COL9A1: variants seen among roughly 807,000 people sequenced by gnomAD.
COL9A1 encodes collagen type IX alpha 1 chain, also known as collagen alpha-1(IX) chain.
A neutral mutation model predicts 142.6 loss-of-function variants in COL9A1; 104 were observed. The observed-to-expected ratio is 0.73, with a 90% CI of 0.62 to 0.86. The LOEUF (loss-of-function observed/expected upper bound fraction) is 0.86, where lower values mean the gene tolerates loss of function less well. COL9A1 is among the 40% of genes least tolerant of loss of function. The probability of loss-of-function intolerance (pLI) is 0.00; values close to 1 mark genes in which losing one functional copy is unlikely to be tolerated. For synonymous variants in COL9A1, 466 were observed against 396.0 expected (o/e 1.18, Z -2.10); for missense variants, 1,210 against 1,176.6 (o/e 1.03, Z -0.42).
intron 14 of COL9A1, among the ~76,000 whole-genome samples, chr6:70,271,153 A>C (rs638167): frequency 6.6e-6 from 1 of 152,188 alleles, no homozygotes; most frequent in South Asian, 2.1e-4. Flanking sequence ...GCGCCTTCAC[A>C]TAACATCACT....
chr6:70,238,596 T>C (rs995780559), intron 33 of COL9A1, among the ~76,000 whole-genome samples: 3 of 152,348 alleles, frequency 2.0e-5, no homozygotes, highest in African/African-American at 4.8e-5. Context: ...TGAAATTTAG[T>C]TATACTGTTG....
intron 18 of COL9A1, among the ~76,000 whole-genome samples, chr6:70,264,639 A>G (rs1771900397): frequency 1.3e-5 from 2 of 152,058 alleles, no homozygotes; most frequent in Non-Finnish European, 2.9e-5. Flanking sequence ...GGTATTTTCC[A>G]TAGATTCTCC....
In COL9A1 at chr6:70,235,039, C is replaced by T. The variant is rs1358106151; in HGVS notation, c.2113-99G>A. 1.5e-5 allele frequency: 21 copies of T among 1,429,704 alleles called. No individual in the cohort carries two copies. The Admixed American group carries it at 1.9e-4, about 13-fold the overall frequency. 88.6% of individuals were successfully genotyped at this position (1,429,704 alleles called of 1,614,324 possible). On this transcript the variant is annotated intron_variant, in intron 33 of 37. Coordinates refer to ENST00000357250, the MANE Select transcript of COL9A1 (RefSeq NM_001851.6). The stretch of plus-strand genomic sequence containing the variant: ...CTTATATGAAATTTGCGGTTTCCTG[C>T]ACTCTGCATCCTAACAGGTGTTCTT...
At chr6:70,281,074 T>C (rs760858839) in intron 8 of COL9A1, 35 bp from the exon 9 acceptor site, 7 of 1,585,474 alleles carry the variant, frequency 4.4e-6, no homozygotes, top group Admixed American at 3.5e-5. Context: ...GAGCAGTCTA[T>C]GAGCGGGATA....
At chr6:70,263,336 T>C (rs1216895960) in intron 18 of COL9A1, 39 bp from the exon 19 acceptor site, 1 of 1,568,464 alleles carries the variant, frequency 6.4e-7, no homozygotes, top group South Asian at 1.2e-5. Flanking sequence ...ACACCAAATG[T>C]TATTCTAGCA....
intron 21 of COL9A1, among the ~76,000 whole-genome samples, chr6:70,255,921 A>C (rs1023589976): frequency 6.6e-6 from 1 of 152,220 alleles, no homozygotes; most frequent in African/African-American, 2.4e-5. Context: ...TAAAACCTCA[A>C]ATGGCTCCCT....
At position 70,263,255 on chromosome 6, in the gene COL9A1, G is replaced by C. The variant is rs201364357; in HGVS notation, c.1384C>G (p.Gln462Glu). Residue 462 changes from glutamine to glutamate, a missense_variant, in exon 19 of 38, where the codon CAA (glutamine) becomes GAA (glutamate). By Grantham distance (29) the Gln-to-Glu change is conservative (BLOSUM62 2). Transcript: ENST00000357250. ...AAAAAATACTTTACTGGAGGTCCTT[G>C]AGCTCCAACTTCTCCGAGTTCTCCC... ...DQGELGEVGA[Q>E]GPPGAQGLRG... 8.3e-5 allele frequency: 134 copies of C among 1,607,334 alleles called. No individual in the cohort carries two copies. Among genetic ancestry groups the C allele is most frequent in the Non-Finnish European group, 1.1e-4 (124 of 1,176,500 alleles).
chr6:70,278,756 A>G (rs887948153), intron 10 of COL9A1, among the ~76,000 whole-genome samples: 10 of 152,348 alleles, frequency 6.6e-5, no homozygotes, highest in Non-Finnish European at 8.8e-5. Context: ...AGACAAAGAA[A>G]AATTTACTTG....
At chr6:70,258,920 A>G (rs941969982) in intron 20 of COL9A1, among the ~76,000 whole-genome samples, 1 of 152,210 alleles carries the variant, frequency 6.6e-6, no homozygotes, top group African/African-American at 2.4e-5. Context: ...CCAGAAAAAA[A>G]TGAAGGTATC....
rs1278249752 is a variant in COL9A1 at position 70,216,146 on chromosome 6, C to A, written c.*751G>T. On this transcript the variant is annotated 3_prime_UTR_variant, in exon 38 of 38. Transcript: ENST00000357250. ...AGAGATTAAGAAACCATATTTATTTCTTCTTTGGTACAACCAGAGATGTTA... is the reference window on the plus strand; with the variant it reads ...AGAGATTAAGAAACCATATTTATTTATTCTTTGGTACAACCAGAGATGTTA... 1.3e-5 allele frequency: 2 copies of A among 152,670 alleles called. No homozygotes were observed. Among genetic ancestry groups the A allele is most frequent in the East Asian group, 3.9e-4 (2 of 5,178 alleles). The allele number at this position is 152,670 out of a possible 1,614,324, so 9.5% of individuals were successfully genotyped here. A position where few individuals can be genotyped will look rare whatever the true frequency, so the allele number is the denominator to read the frequency against.
intron 4 of COL9A1, among the ~76,000 whole-genome samples, chr6:70,295,492 C>G (rs561089317): frequency 1.3e-4 from 20 of 151,586 alleles, no homozygotes; most frequent in Admixed American, 7.2e-4. Context: ...TTCGCCATGT[C>G]AGTCAGGCTG....
intron 5 of COL9A1, among the ~76,000 whole-genome samples, chr6:70,292,990 G>A (rs1365082541): frequency 6.6e-6 from 1 of 152,176 alleles, no homozygotes; most frequent in Non-Finnish European, 1.5e-5. Context: ...ACAGAATATA[G>A]AAATTTCACA....
intron 7 of COL9A1, 118 bp downstream of exon 7, chr6:70,282,780 G>C: frequency 1.4e-6 from 2 of 1,471,552 alleles, no homozygotes; most frequent in Non-Finnish European, 1.9e-6. Flanking sequence ...TGGAGGAAGC[G>C]CGGGTCTGAG....
chr6:70,221,809 A>C (rs6902075), intron 37 of COL9A1, among the ~76,000 whole-genome samples: 1 of 152,168 alleles, frequency 6.6e-6, no homozygotes, highest in South Asian at 2.1e-4. Context: ...ACTAGTCCCA[A>C]TGGGCAAGTT....
In COL9A1 at chr6:70,216,347, A is replaced by C. The variant is rs560557089; in HGVS notation, c.*550T>G. The C allele has an allele frequency of 6.4e-6, 1 of 156,984 alleles. No individual in the cohort carries two copies. Among genetic ancestry groups the C allele is most frequent in the African/African-American group, 2.4e-5 (1 of 41,590 alleles). 9.7% of individuals were successfully genotyped at this position (156,984 alleles called of 1,614,324 possible). ...AGGAAACCAATACATGACGTAAAGA[A>C]ATCATTTCGGGAGATGTAGCCCTTT... On this transcript the variant is annotated 3_prime_UTR_variant, in exon 38 of 38. Transcript: ENST00000357250.
At chr6:70,282,488 G>A (rs1773225152) in intron 7 of COL9A1, among the ~76,000 whole-genome samples, 1 of 152,036 alleles carries the variant, frequency 6.6e-6, no homozygotes, top group African/African-American at 2.4e-5. Flanking sequence ...CAGCTACGGC[G>A]GGCTGGAGGA....
Position 70,294,181 on chromosome 6 carries a change from G to T in COL9A1, c.682C>A (p.Gln228Lys). The T allele has an allele frequency of 6.2e-7, 1 of 1,613,992 alleles. No homozygotes were observed. Among genetic ancestry groups the T allele is most frequent in the Non-Finnish European group, 8.5e-7 (1 of 1,179,906 alleles). Reference sequence around the variant, plus strand: ...TTTATACTTACTGGAACAGAAACTTGAGGATTATCTGCAAGTTTTCCCAGC... The same window carrying T: ...TTTATACTTACTGGAACAGAAACTTTAGGATTATCTGCAAGTTTTCCCAGC... ...AVLGKLADNP[Q>K]VSVPFELQWM... The change falls in exon 5 of 38, where the codon CAA becomes AAA. Residue 228 changes from glutamine (Q) to lysine (K), a missense_variant. Physicochemically the swap from Gln to Lys is moderately conservative, Grantham distance 53. Coordinates refer to ENST00000357250, the MANE Select transcript of COL9A1 (RefSeq NM_001851.6).
intron 14 of COL9A1, among the ~76,000 whole-genome samples, chr6:70,270,895 T>A (rs747583881): frequency 1.3e-5 from 2 of 152,204 alleles, no homozygotes; most frequent in Non-Finnish European, 2.9e-5. Flanking sequence ...GAAAGCTACA[T>A]CGAAGTAAAC....
At chr6:70,225,746 T>C (rs1044556397) in intron 37 of COL9A1, among the ~76,000 whole-genome samples, 186 bp downstream of exon 37, 1 of 152,238 alleles carries the variant, frequency 6.6e-6, no homozygotes, top group Non-Finnish European at 1.5e-5. Context: ...ACCTATTTTC[T>C]GATTTGATTT....
Sources: allele counts gnomAD v4.1 joint callset (sites outside exome capture counted in the v4.1 genomes callset), GRCh38; gene constraint gnomAD v4.1.1; transcripts MANE v1.5; gene names NCBI Gene and HGNC (gene_info 2026-07-23, HGNC 2026-07-21).